The following SCLT1 variants were observed in gnomAD, a reference collection of about 807,000 sequenced individuals.
SCLT1 encodes sodium channel and clathrin linker 1, also known as sodium channel-associated protein 1.
Under a neutral mutation model 112.8 loss-of-function variants are expected in SCLT1, and 78 were observed. That is an observed-to-expected ratio of 0.69 (90% CI 0.58 to 0.83). The LOEUF is 0.83. Ranked by LOEUF, SCLT1 falls within the 40% of genes least tolerant of loss-of-function variation. The probability of loss-of-function intolerance (pLI) is 0.00; values close to 1 mark genes in which losing one functional copy is unlikely to be tolerated. For missense variants in SCLT1, 747 were observed against 770.4 expected, an observed-to-expected ratio of 0.97 and a Z score of 0.36; for synonymous variants, 257 against 254.7, an observed-to-expected ratio of 1.01 and a Z score of -0.09.
chr4:129,003,384 TA>T (rs1291986086), intron 6 of SCLT1, among the ~76,000 whole-genome samples: 1 of 141,962 alleles, frequency 7.0e-6, no homozygotes, highest in Non-Finnish European at 1.5e-5. Context: ...GATACCTATA[TA>T]ACAAACCTGC....
intron 1 of SCLT1, among the ~76,000 whole-genome samples, chr4:129,092,818 C>A (rs777674250): frequency 6.6e-6 from 1 of 152,218 alleles, no homozygotes; most frequent in Non-Finnish European, 1.5e-5. Flanking sequence ...ATCTTCAGAG[C>A]ACGAGAGGAG....
intron 18 of SCLT1, among the ~76,000 whole-genome samples, chr4:128,917,289 C>T (rs1279931050): frequency 6.6e-6 from 1 of 152,074 alleles, no homozygotes; most frequent in Non-Finnish European, 1.5e-5. Flanking sequence ...CTGCATCTGG[C>T]CTCACCATCT....
At chr4:129,079,391 C>T (rs941426630) in intron 2 of SCLT1, among the ~76,000 whole-genome samples, 1 of 152,170 alleles carries the variant, frequency 6.6e-6, no homozygotes, top group Non-Finnish European at 1.5e-5. Context: ...TAAATACTCC[C>T]TTTCCAAAAG....
At chr4:128,883,532 TTACCC>T (rs1261920719), downstream of SCLT1, among the ~76,000 whole-genome samples, 1 of 152,112 alleles carries the variant, frequency 6.6e-6, no homozygotes, top group East Asian at 1.9e-4. Context: ...TTCTGCACAT[TTACCC>T]TAGAACTTAA....
intron 5 of SCLT1, among the ~76,000 whole-genome samples, chr4:129,028,848 C>T (rs1454459176): frequency 6.6e-6 from 1 of 151,932 alleles, no homozygotes; most frequent in Non-Finnish European, 1.5e-5. Flanking sequence ...AAAACCATCC[C>T]ATCAAAAAGT....
At chr4:128,905,449 C>T (rs1218134951) in intron 18 of SCLT1, among the ~76,000 whole-genome samples, 1 of 152,152 alleles carries the variant, frequency 6.6e-6, no homozygotes, top group Non-Finnish European at 1.5e-5. Context: ...ATTTTCCATA[C>T]AGTAGTTATA....
In SCLT1 at chr4:129,044,005, A is replaced by G; in HGVS notation, c.149T>C (p.Val50Ala). Residue 50 changes from valine (V) to alanine (A), a missense_variant, in exon 3 of 21, where the codon GTA becomes GCA. Coordinates refer to ENST00000281142, the MANE Select transcript of SCLT1 (RefSeq NM_144643.4). ...GGTAATACTTTACCTTTGGTCAAAT[A>G]CTAGGTTTTCAAATGTGTCGTCTCC... ...GEGDDTFENL[V>A]FDQSFLAPLV... 1 of 1,528,110 alleles carries G rather than the reference A, an allele frequency of 6.5e-7. No individual in the cohort carries two copies. The highest frequency in any genetic ancestry group is 1.2e-5 in the South Asian group (1 of 86,908). 94.7% of individuals were successfully genotyped at this position (1,528,110 alleles called of 1,614,324 possible).
chr4:129,020,383 A>G (rs139059351), intron 5 of SCLT1, among the ~76,000 whole-genome samples: 141 of 152,326 alleles, frequency 9.3e-4, no homozygotes, highest in African/African-American at 3.2e-3. Context: ...AGCATGCACT[A>G]TTCTGTGCAC....
At chr4:129,055,974 G>A (rs189408337) in intron 2 of SCLT1, among the ~76,000 whole-genome samples, 16 of 152,276 alleles carry the variant, frequency 1.1e-4, no homozygotes, top group East Asian at 3.9e-4. Flanking sequence ...TGCAGAAACC[G>A]TGGGAAAAGC....
chr4:129,021,062 C>T (rs1287066331), intron 5 of SCLT1, among the ~76,000 whole-genome samples: 1 of 152,168 alleles, frequency 6.6e-6, no homozygotes, highest in Non-Finnish European at 1.5e-5. Flanking sequence ...CTCAGTTCAT[C>T]TCATCGGGAC....
chr4:128,893,278 T>A (rs751780188), intron 18 of SCLT1, among the ~76,000 whole-genome samples: 2 of 152,196 alleles, frequency 1.3e-5, no homozygotes, highest in Non-Finnish European at 2.9e-5. Context: ...AAGACACAAA[T>A]CATTAAATGA....
chr4:129,003,687 T>C, intron 6 of SCLT1, 54 bp downstream of exon 6: 2 of 1,349,828 alleles, frequency 1.5e-6, no homozygotes, highest in Non-Finnish European at 2.0e-6. Flanking sequence ...AACATGAATT[T>C]TTAAAAAGGT....
At chr4:128,887,429 A>G (rs575426182) in intron 20 of SCLT1, among the ~76,000 whole-genome samples, 1 of 152,172 alleles carries the variant, frequency 6.6e-6, no homozygotes, top group Non-Finnish European at 1.5e-5. Flanking sequence ...AAATATCATG[A>G]ACATAAACTG....
At chr4:128,937,094 A>T (rs1737256317) in intron 17 of SCLT1, among the ~76,000 whole-genome samples, 1 of 152,062 alleles carries the variant, frequency 6.6e-6, no homozygotes, top group Admixed American at 6.5e-5. Flanking sequence ...CCTGACCAAC[A>T]TGGTGAAACC....
At chr4:128,999,062 C>G (rs937042262) in intron 7 of SCLT1, among the ~76,000 whole-genome samples, 1 of 151,928 alleles carries the variant, frequency 6.6e-6, no homozygotes, top group African/African-American at 2.4e-5. Context: ...ATAATGAGTT[C>G]TTGTCAATAG....
intron 2 of SCLT1, among the ~76,000 whole-genome samples, chr4:129,075,207 C>T (rs947137911): frequency 3.3e-5 from 5 of 152,024 alleles, no homozygotes; most frequent in Non-Finnish European, 7.4e-5. Context: ...ATATTGGCTA[C>T]CAAATATGTA....
chr4:129,073,448 A>G (rs1303008063), intron 2 of SCLT1, among the ~76,000 whole-genome samples: 4 of 152,174 alleles, frequency 2.6e-5, no homozygotes, highest in Non-Finnish European at 5.9e-5. Flanking sequence ...TCAAAATCTT[A>G]TAAATTCTTA....
At chr4:128,964,604 A>G (rs1448847897) in intron 11 of SCLT1, among the ~76,000 whole-genome samples, 2 of 152,224 alleles carry the variant, frequency 1.3e-5, no homozygotes, top group African/African-American at 4.8e-5. Context: ...TTTATGGTTC[A>G]TGATTCCTAA....
At chr4:129,067,858 T>C (rs1296908637) in intron 2 of SCLT1, among the ~76,000 whole-genome samples, 1 of 151,748 alleles carries the variant, frequency 6.6e-6, no homozygotes, top group Admixed American at 6.6e-5. Flanking sequence ...ATGTTATTTC[T>C]ACAGGTTGCT....
Sources: gnomAD v4.1 joint callset for allele counts (sites outside exome capture counted in the v4.1 genomes callset) on GRCh38, gnomAD v4.1.1 for gene constraint, MANE v1.5 for transcripts, NCBI Gene and HGNC (gene_info 2026-07-23, HGNC 2026-07-21) for gene names.